Variants in MCF2L observed in about 807,000 individuals in gnomAD.
MCF2L encodes guanine nucleotide exchange factor DBS.
MCF2L carries 97 observed loss-of-function variants against 153.4 expected under a neutral mutation model. The ratio of observed to expected loss-of-function variants is 0.63; its 90% CI spans 0.54 to 0.75. The LOEUF is 0.75. Ranked by LOEUF, MCF2L falls within the 30% of genes least tolerant of loss-of-function variation. The probability of loss-of-function intolerance (pLI) is 0.00; values close to 1 mark genes in which losing one functional copy is unlikely to be tolerated. For missense variants in MCF2L, 1,347 were observed against 1,495.2 expected, an observed-to-expected ratio of 0.90 and a Z score of 1.64; for synonymous variants, 659 against 632.2, an observed-to-expected ratio of 1.04 and a Z score of -0.64.
chr13:113,063,438 C>G (rs969287763), intron 5 of MCF2L, among the ~76,000 whole-genome samples: 1 of 112,932 alleles, frequency 8.9e-6, no homozygotes, highest in African/African-American at 3.0e-5. Flanking sequence ...CCGCCCACAG[C>G]GTTCAGGCGT....
At chr13:112,949,432 A>C (rs1318547194) in intron 2 of MCF2L, among the ~76,000 whole-genome samples, 2 of 152,204 alleles carry the variant, frequency 1.3e-5, no homozygotes, top group Non-Finnish European at 2.9e-5. Context: ...AACAAGAAAG[A>C]AAGCTAGTGA....
chr13:113,088,704 C>A, intron 25 of MCF2L, 76 bp downstream of exon 25: 1 of 1,452,466 alleles, frequency 6.9e-7, no homozygotes, highest in Middle Eastern at 1.9e-4. Context: ...CCAGGGTCCT[C>A]GGCCTCTGTC....
chr13:113,044,629 C>G, intron 3 of MCF2L: 1 of 1,599,384 alleles, frequency 6.3e-7, no homozygotes, highest in Non-Finnish European at 8.5e-7. Context: ...GAAGAGGGCT[C>G]TCCGCACCGA....
intron 4 of MCF2L, among the ~76,000 whole-genome samples, chr13:113,058,769 T>G (rs2030799417): frequency 2.7e-5 from 3 of 110,608 alleles, no homozygotes; most frequent in South Asian, 3.0e-4. Flanking sequence ...GGGGGCTGAG[T>G]ATTTGGGGGC....
chr13:112,905,845 AGT>A (rs1273245618), intron 2 of MCF2L, among the ~76,000 whole-genome samples: 1 of 152,222 alleles, frequency 6.6e-6, no homozygotes, highest in Non-Finnish European at 1.5e-5. Context: ...CTATGAACAC[AGT>A]GTGCAAATAC....
chr13:113,081,356 G>A, intron 16 of MCF2L, 77 bp downstream of exon 16: 3 of 1,366,040 alleles, frequency 2.2e-6, no homozygotes, highest in Non-Finnish European at 3.0e-6. Flanking sequence ...TCTGACAACT[G>A]CTGCTCGGAG....
rs1048310867 is a variant in MCF2L at position 113,098,030 on chromosome 13, A to G, written c.*1171A>G. On this transcript the variant is annotated 3_prime_UTR_variant, in exon 30 of 30. Transcript: ENST00000535094. ...AACATATTCTGTTCAAAACTTTTGAAGCCCTTTCGGTGTCTAGTCTGCAGA... is the reference window on the plus strand; with the variant it reads ...AACATATTCTGTTCAAAACTTTTGAGGCCCTTTCGGTGTCTAGTCTGCAGA... 6.6e-6 allele frequency: 1 copy of G among 152,326 alleles called. No homozygotes were observed. Among genetic ancestry groups the G allele is most frequent in the African/African-American group, 2.4e-5 (1 of 41,468 alleles). 9.4% of individuals were successfully genotyped at this position (152,326 alleles called of 1,614,324 possible). A position where few individuals can be genotyped will look rare whatever the true frequency, so the allele number is the denominator to read the frequency against.
chr13:113,014,996 G>C (rs1481357309), intron 2 of MCF2L, 150 bp downstream of exon 2: 1 of 662,520 alleles, frequency 1.5e-6, no homozygotes, highest in Non-Finnish European at 2.6e-6. Context: ...CCTGTGACCT[G>C]GCTCTCCCCA....
chr13:112,996,545 G>C (rs1395815072), intron 1 of MCF2L, among the ~76,000 whole-genome samples: 1 of 152,190 alleles, frequency 6.6e-6, no homozygotes, highest in African/African-American at 2.4e-5. Flanking sequence ...ACGTCTGTTG[G>C]GGAAATGGTG....
chr13:113,086,154 G>A lies in MCF2L; in HGVS notation c.2278G>A (p.Gly760Arg), dbSNP rs1297973213. The A allele has an allele frequency of 1.9e-6, 3 of 1,610,168 alleles. No individual in the cohort carries two copies. The highest frequency in any genetic ancestry group is 2.3e-5 in the East Asian group (1 of 44,364). ...GCTGAAATACAGCAGGAACTGCGAG[G>A]GGGCTGAGGACCTGCAGGAGGCGCT... ...EMLKYSRNCE[G>R]AEDLQEALSS... The change falls in exon 21 of 30, where the codon GGG (glycine) becomes AGG (arginine). Residue 760 changes from glycine to arginine, a missense_variant. Physicochemically the swap from Gly to Arg is moderately radical, Grantham distance 125. Coordinates refer to ENST00000535094, the MANE Select transcript of MCF2L (RefSeq NM_001112732.3).
chr13:112,908,100 C>T (rs11619707), intron 2 of MCF2L, among the ~76,000 whole-genome samples: 2,164 of 152,282 alleles, frequency 0.014, 25 homozygotes, highest in Non-Finnish European at 0.022. Context: ...AACCTCCAGA[C>T]ATTTGGGAAC....
Position 112,969,660 on chromosome 13 carries a change from T to C in MCF2L, c.79+202T>C. ...CGTATGCTGCCCGGGATAGTCAAAA[T>C]GACTGCACGTTGGTGACACTGGCTC... is the stretch of plus-strand genomic sequence containing the variant. On this transcript the variant is annotated intron_variant, in intron 1 of 29. Coordinates refer to ENST00000535094, the MANE Select transcript of MCF2L (RefSeq NM_001112732.3). This position sits in a 1 kb window ranked among gnomAD's most constrained non-coding sequence, Gnocchi z 4.8. 1 of 436,810 alleles carries C rather than the reference T, an allele frequency of 2.3e-6. No homozygotes were observed. The highest frequency in any genetic ancestry group is 3.0e-6 in the Non-Finnish European group (1 of 328,368). 27.1% of individuals were successfully genotyped at this position (436,810 alleles called of 1,614,324 possible).
rs1463955561 is a variant in MCF2L at position 113,014,745 on chromosome 13, T to C, written c.80-18T>C. 5.6e-6 allele frequency: 9 copies of C among 1,611,630 alleles called. No homozygotes were observed. Among genetic ancestry groups the C allele is most frequent in the Non-Finnish European group, 5.9e-6 (7 of 1,178,204 alleles). ...AGCTTCCTGGGACTGACACGTGCCG[T>C]CTGCTCTTTCCGTGCAGATGAAATC... On this transcript the variant is annotated intron_variant, in intron 1 of 29. Transcript: ENST00000535094.
chr13:112,939,590 C>T (rs1378304022), intron 2 of MCF2L, among the ~76,000 whole-genome samples: 1 of 152,204 alleles, frequency 6.6e-6, no homozygotes, highest in African/African-American at 2.4e-5. Context: ...CCTGAAGATC[C>T]ACTGATGCTA....
chr13:113,071,107 T>A (rs1239465376), intron 9 of MCF2L, among the ~76,000 whole-genome samples: 2 of 152,228 alleles, frequency 1.3e-5, no homozygotes, highest in African/African-American at 2.4e-5. Context: ...GTGTGCCATC[T>A]CACGGTGGTT....
At chr13:113,071,261 G>A (rs369563172) in intron 9 of MCF2L, among the ~76,000 whole-genome samples, 9 of 152,136 alleles carry the variant, frequency 5.9e-5, no homozygotes, top group East Asian at 1.9e-4. Context: ...TTTGTTTTAC[G>A]GTTTTGTTAC....
chr13:112,930,112 C>T lies in MCF2L; in HGVS notation c.169+27741C>T, dbSNP rs138679945. Among the ~76,000 whole-genome samples, 356 of 152,232 alleles carry T rather than the reference C, an allele frequency of 2.3e-3. 8 individuals carry two copies. The highest frequency in any genetic ancestry group is 0.02 in the Admixed American group (299 of 15,282). On this transcript the variant is annotated intron_variant, in intron 2 of 29. Transcript: ENST00000375608. ...GGAGCTCTCGTTCACTGGGATGGAG[C>T]GGAGGGAGTGGGGAAGACAGTATGG...
intron 2 of MCF2L, among the ~76,000 whole-genome samples, chr13:112,914,148 T>C (rs77139253): frequency 0.017 from 2,624 of 152,328 alleles, 81 homozygotes; most frequent in African/African-American, 0.061. Flanking sequence ...ATCAAAATAA[T>C]AAAGAAGATA....
intron 1 of MCF2L, among the ~76,000 whole-genome samples, chr13:112,975,989 C>A (rs185879920): frequency 6.6e-6 from 1 of 152,120 alleles, no homozygotes; most frequent in African/African-American, 2.4e-5. Flanking sequence ...CCAGGAGATG[C>A]GCAGTGCTGG....
Sources: allele counts gnomAD v4.1 joint callset (sites outside exome capture counted in the v4.1 genomes callset), GRCh38; gene constraint gnomAD v4.1.1; non-coding constraint Gnocchi (gnomAD v3.1); transcripts MANE v1.5; gene names NCBI Gene and HGNC (gene_info 2026-07-23, HGNC 2026-07-21).